The following HSD17B12 variants were observed in gnomAD, a reference collection of about 807,000 sequenced individuals.
The protein encoded by HSD17B12 is hydroxysteroid 17-beta dehydrogenase 12.
In HSD17B12, 32 loss-of-function variants were observed where a neutral mutation model predicts 39.3. The observed-to-expected ratio is 0.81, with a 90% CI of 0.61 to 1.09. The LOEUF (loss-of-function observed/expected upper bound fraction) is 1.09. Among genes scored for constraint, HSD17B12 ranks in the 50% least tolerant of loss-of-function variants. The probability of loss-of-function intolerance (pLI) is 0.00; values close to 1 mark genes in which losing one functional copy is unlikely to be tolerated. For synonymous variants in HSD17B12, 150 were observed against 146.7 expected (o/e 1.02, Z -0.16); for missense variants, 342 against 382.9 (o/e 0.89, Z 0.89).
the HSD17B12 span, among the ~76,000 whole-genome samples, chr11:43,583,320 C>G: frequency 2.0e-5 from 3 of 152,224 alleles, no homozygotes; most frequent in Non-Finnish European, 2.9e-5. Context: ...CGGCGTCGTG[C>G]GGCACCGGAG....
chr11:43,572,522 T>C, the HSD17B12 span, among the ~76,000 whole-genome samples: 1 of 152,226 alleles, frequency 6.6e-6, no homozygotes, highest in Non-Finnish European at 1.5e-5. Context: ...GAATTTGATC[T>C]GATCCTTAGT....
At chr11:43,795,817 C>T (rs1408980503) in intron 3 of HSD17B12, among the ~76,000 whole-genome samples, 1 of 152,000 alleles carries the variant, frequency 6.6e-6, no homozygotes, top group Non-Finnish European at 1.5e-5. Flanking sequence ...GACATATAGA[C>T]AAGCATGTAC....
rs569764804 is a variant in HSD17B12 at position 43,712,194 on chromosome 11, G to A, written c.160+31207G>A. Among the ~76,000 whole-genome samples, 159 of 152,176 alleles carry A rather than the reference G, an allele frequency of 1.0e-3. 1 individual carries two copies. Among genetic ancestry groups the A allele is most frequent in the Non-Finnish European group, 2.0e-3 (133 of 67,992 alleles). On this transcript the variant is annotated intron_variant, in intron 1 of 10. Coordinates refer to ENST00000278353, the MANE Select transcript of HSD17B12 (RefSeq NM_016142.3). The stretch of plus-strand genomic sequence containing the variant: ...CTCTAATCCCAGGACTTTGGGAGGC[G>A]GAGGCGGGCAGATCACGAGGTCAGG...
the HSD17B12 span, among the ~76,000 whole-genome samples, chr11:43,650,512 G>T: frequency 5.3e-5 from 8 of 152,294 alleles, no homozygotes; most frequent in African/African-American, 1.7e-4. Flanking sequence ...TACACTGCTG[G>T]TGAGAATATA....
the HSD17B12 span, among the ~76,000 whole-genome samples, chr11:43,651,206 A>C: frequency 7.9e-5 from 12 of 152,252 alleles, no homozygotes; most frequent in African/African-American, 2.9e-4. Context: ...ATGAAAGAAG[A>C]AAGGGAGAGG....
chr11:43,672,353 C>A, the HSD17B12 span, among the ~76,000 whole-genome samples: 1 of 151,366 alleles, frequency 6.6e-6, no homozygotes, highest in South Asian at 2.1e-4. Flanking sequence ...CCGGCCTAGC[C>A]CTTCATTTTT....
At chr11:43,820,658 G>GA (rs1311075592) in intron 6 of HSD17B12, among the ~76,000 whole-genome samples, 15 of 152,188 alleles carry the variant, frequency 9.9e-5, no homozygotes, top group African/African-American at 3.6e-4. Flanking sequence ...CCTGTATAAG[G>GA]AAGAGAGCAA....
At chr11:43,758,794 C>T (rs1051178911) in intron 3 of HSD17B12, among the ~76,000 whole-genome samples, 40 of 152,148 alleles carry the variant, frequency 2.6e-4, no homozygotes, top group African/African-American at 9.7e-4. Context: ...GGCACTTCTC[C>T]AGTGGGTACT....
the HSD17B12 span, among the ~76,000 whole-genome samples, chr11:43,662,154 C>T: frequency 6.6e-6 from 1 of 150,752 alleles, no homozygotes; most frequent in Non-Finnish European, 1.5e-5. Context: ...GTGCTGTGAT[C>T]GCACCACTGC....
At chr11:43,782,603 A>G (rs1171060488) in intron 3 of HSD17B12, among the ~76,000 whole-genome samples, 1 of 150,764 alleles carries the variant, frequency 6.6e-6, no homozygotes, top group Non-Finnish European at 1.5e-5. Flanking sequence ...TTGAACCGGG[A>G]GGCAAAGGTT....
At chr11:43,626,512 T>C in the HSD17B12 span, among the ~76,000 whole-genome samples, 1 of 151,942 alleles carries the variant, frequency 6.6e-6, no homozygotes, top group African/African-American at 2.4e-5. Flanking sequence ...ATAAATGTTT[T>C]AGTAGCAAGA....
At chr11:43,737,946 GC>G (rs1391982227) in intron 1 of HSD17B12, among the ~76,000 whole-genome samples, 1 of 151,548 alleles carries the variant, frequency 6.6e-6, no homozygotes, top group African/African-American at 2.4e-5. Flanking sequence ...GGTGGCGGGC[GC>G]CTGTAGTCCC....
chr11:43,835,717 A>G (rs755477059), intron 7 of HSD17B12, among the ~76,000 whole-genome samples: 1 of 152,136 alleles, frequency 6.6e-6, no homozygotes, highest in Non-Finnish European at 1.5e-5. Context: ...TAGCATGCAA[A>G]TACTGTATTT....
chr11:43,566,691 G>A, the HSD17B12 span, among the ~76,000 whole-genome samples: 3 of 152,050 alleles, frequency 2.0e-5, no homozygotes, highest in Non-Finnish European at 2.9e-5. Flanking sequence ...CGCCACGCCC[G>A]GCTAATTTTT....
chr11:43,744,327 C>T (rs1253968360), intron 1 of HSD17B12, among the ~76,000 whole-genome samples: 2 of 151,762 alleles, frequency 1.3e-5, no homozygotes, highest in East Asian at 3.9e-4. Context: ...GTTCTACAGA[C>T]TAAGTGATAA....
chr11:43,810,979 T>C (rs1951068233), intron 4 of HSD17B12, among the ~76,000 whole-genome samples: 1 of 152,174 alleles, frequency 6.6e-6, no homozygotes. Context: ...ATTGTTTGGT[T>C]TGGCGAATCC....
At chr11:43,704,209 G>A (rs75412773) in intron 1 of HSD17B12, among the ~76,000 whole-genome samples, 1,960 of 152,272 alleles carry the variant, frequency 0.013, 61 homozygotes, top group African/African-American at 0.043. Context: ...GGTAGAAAAG[G>A]ACTTAATTCC....
intron 3 of HSD17B12, among the ~76,000 whole-genome samples, chr11:43,794,958 C>T (rs920530325): frequency 6.6e-6 from 1 of 152,106 alleles, no homozygotes; most frequent in African/African-American, 2.4e-5. Context: ...ACTCCAAAAA[C>T]TTTGGTAAAG....
At position 43,830,956 on chromosome 11, in the gene HSD17B12, T is replaced by G; in HGVS notation, c.502-20T>G. ...CCTGCATCCTTGGCCATCATGAATG[T>G]TTTGCTTTCTCTCTTGCAGATGACA... On this transcript the variant is annotated intron_variant, in intron 6 of 10. Transcript: ENST00000278353. 6.2e-7 allele frequency: 1 copy of G among 1,606,256 alleles called. No individual in the cohort carries two copies. Among genetic ancestry groups the G allele is most frequent in the Non-Finnish European group, 8.5e-7 (1 of 1,175,866 alleles).
Sources: allele counts gnomAD v4.1 joint callset (sites outside exome capture counted in the v4.1 genomes callset), GRCh38; gene constraint gnomAD v4.1.1; transcripts MANE v1.5; gene names NCBI Gene and HGNC (gene_info 2026-07-23, HGNC 2026-07-21).